The following EPB41L3 variants were observed in gnomAD, a reference collection of about 807,000 sequenced individuals.
EPB41L3 encodes band 4.1-like protein 3.
In EPB41L3, 57 loss-of-function variants were observed where a neutral mutation model predicts 127.1. The ratio of observed to expected loss-of-function variants is 0.45; its 90% confidence interval spans 0.36 to 0.56. The LOEUF (loss-of-function observed/expected upper bound fraction) is 0.56. Ranked by LOEUF, EPB41L3 falls within the 20% of genes least tolerant of loss-of-function variation. The pLI is 0.00. For missense variants in EPB41L3, 1,273 were observed against 1,372.2 expected (o/e 0.93, Z 1.14); for synonymous variants, 572 against 549.5 (o/e 1.04, Z -0.57).
chr18:5,462,638 G>A (rs771185059), intron 3 of EPB41L3, among the ~76,000 whole-genome samples: 5 of 152,134 alleles, frequency 3.3e-5, no homozygotes, highest in Non-Finnish European at 7.4e-5. Context: ...GAACCCGAGG[G>A]TGGGGGATTT....
intron 14 of EPB41L3, among the ~76,000 whole-genome samples, chr18:5,409,942 A>G (rs1439067834): frequency 6.6e-6 from 1 of 152,116 alleles, no homozygotes; most frequent in Non-Finnish European, 1.5e-5. Flanking sequence ...AAAAGGAGAA[A>G]TAACAGTATA....
rs763721094 is a variant in EPB41L3 at position 5,396,118 on chromosome 18, A to T, written c.2973+83T>A. ...ATCCTCTAAGTCTCATGAATTAAAT[A>T]TCGTGCAGTTCTATGTAAACACACT... On this transcript the variant is annotated intron_variant, in intron 19 of 22. Coordinates refer to ENST00000341928, the MANE Select transcript of EPB41L3 (RefSeq NM_012307.5). 9 of 1,516,032 alleles carry T rather than the reference A, an allele frequency of 5.9e-6. No individual in the cohort carries two copies. In the Admixed American group the frequency reaches 1.4e-4, roughly 23 times the overall value. 93.9% of individuals were successfully genotyped at this position (1,516,032 alleles called of 1,614,324 possible). A position where few individuals can be genotyped will look rare whatever the true frequency, so the allele number is the denominator to read the frequency against.
chr18:5,614,752 C>T (rs573402404), intron 1 of EPB41L3, among the ~76,000 whole-genome samples: 20 of 152,010 alleles, frequency 1.3e-4, no homozygotes, highest in East Asian at 7.7e-4. Context: ...GCTATGATTA[C>T]GAAATGTGTG....
intron 1 of EPB41L3, among the ~76,000 whole-genome samples, chr18:5,506,172 C>T (rs749880917): frequency 1.3e-5 from 2 of 152,078 alleles, no homozygotes. Flanking sequence ...GTCTCCCTAC[C>T]TCTGCACTCT....
intron 3 of EPB41L3, among the ~76,000 whole-genome samples, chr18:5,450,083 TG>T (rs926594245): frequency 6.6e-5 from 10 of 151,500 alleles, no homozygotes; most frequent in Non-Finnish European, 1.2e-4. Context: ...CTGCAGATAA[TG>T]GGGGGGACTA....
At chr18:5,444,282 A>C (rs1326420222) in intron 4 of EPB41L3, among the ~76,000 whole-genome samples, 1 of 152,200 alleles carries the variant, frequency 6.6e-6, no homozygotes, top group African/African-American at 2.4e-5. Context: ...TCTGCAATAA[A>C]AGATCCTTAG....
chr18:5,504,655 T>C (rs1331417540), intron 1 of EPB41L3, among the ~76,000 whole-genome samples: 1 of 152,190 alleles, frequency 6.6e-6, no homozygotes, highest in Non-Finnish European at 1.5e-5. Context: ...TGTTTTCTAC[T>C]GGCATTCCTC....
intron 1 of EPB41L3, among the ~76,000 whole-genome samples, chr18:5,502,670 A>T (rs906235385): frequency 1.3e-5 from 2 of 152,176 alleles, no homozygotes; most frequent in African/African-American, 4.8e-5. Context: ...CGAAACAGAG[A>T]CTGGGAAGAG....
At chr18:5,508,248 A>T (rs184955370) in intron 1 of EPB41L3, 1 of 152,328 alleles carries the variant, frequency 6.6e-6, no homozygotes, top group African/African-American at 2.4e-5. Context: ...ATAACAAAAA[A>T]TCTTCTTTAC....
chr18:5,629,706 A>C (rs976994546), upstream of EPB41L3, among the ~76,000 whole-genome samples: 1 of 152,032 alleles, frequency 6.6e-6, no homozygotes, highest in African/African-American at 2.4e-5. Flanking sequence ...CGGAGGGAGC[A>C]CTAGAGAGAG....
At chr18:5,573,990 A>C (rs1328912932) in intron 3 of EPB41L3, among the ~76,000 whole-genome samples, 1 of 150,692 alleles carries the variant, frequency 6.6e-6, no homozygotes, top group Non-Finnish European at 1.5e-5. Context: ...GGCTCACTGC[A>C]ACCTCCACCT....
intron 3 of EPB41L3, among the ~76,000 whole-genome samples, chr18:5,560,951 ATTTATTTATTTAT>A (rs2094117930): frequency 3.6e-5 from 1 of 27,540 alleles, no homozygotes; most frequent in African/African-American, 8.5e-5. Flanking sequence ...TTATTTATTT[ATTTATTTATTTAT>A]TTATTTATTT....
intron 3 of EPB41L3, among the ~76,000 whole-genome samples, chr18:5,589,845 A>AC (rs1290610274): frequency 1.4e-4 from 21 of 152,240 alleles, no homozygotes; most frequent in Non-Finnish European, 2.9e-5. Context: ...AGCTGGTGGC[A>AC]CAGTGATCTA....
intron 1 of EPB41L3, among the ~76,000 whole-genome samples, chr18:5,494,200 C>T (rs1179814751): frequency 6.6e-6 from 1 of 152,122 alleles, no homozygotes; most frequent in African/African-American, 2.4e-5. Flanking sequence ...CCCCTGCCTG[C>T]TGCCAACCCC....
In EPB41L3 at chr18:5,397,385, T is replaced by C; in HGVS notation, c.2514A>G (p.Glu838=). 1 of 1,613,752 alleles carries C rather than the reference T, an allele frequency of 6.2e-7. No homozygotes were observed. Among genetic ancestry groups the C allele is most frequent in the Non-Finnish European group, 8.5e-7 (1 of 1,179,928 alleles). ...TAAGCGGCAGGTGGTGCACGGTGGG[T>C]TCCGTCTCTATTCCACTGGACTCCG... is the stretch of plus-strand genomic sequence containing the variant. The part of the protein sequence containing the change: ...TKTESSGIET[E]PTVHHLPLST... Residue 838 remains glutamate (E), a synonymous_variant, in exon 18 of 23, where the codon GAA becomes GAG. Transcript: ENST00000341928. The surrounding 1 kb of genome is among the most constrained non-coding windows in gnomAD (Gnocchi z 4.1).
chr18:5,621,213 A>G (rs957274373), intron 1 of EPB41L3, among the ~76,000 whole-genome samples: 1 of 152,158 alleles, frequency 6.6e-6, no homozygotes, highest in Non-Finnish European at 1.5e-5. Flanking sequence ...AATCGGAGCA[A>G]GTAAAAATTG....
intron 1 of EPB41L3, among the ~76,000 whole-genome samples, chr18:5,497,212 C>T (rs1261883281): frequency 6.6e-6 from 1 of 152,062 alleles, no homozygotes; most frequent in East Asian, 1.9e-4. Context: ...GGGTCAGATC[C>T]CATGGGTTTG....
At chr18:5,608,344 A>C (rs1018339475) in intron 3 of EPB41L3, among the ~76,000 whole-genome samples, 1 of 152,190 alleles carries the variant, frequency 6.6e-6, no homozygotes, top group African/African-American at 2.4e-5. Flanking sequence ...CAACGTATAC[A>C]TGCAAAAAAA....
Position 5,419,841 on chromosome 18 carries a change from ATG to A in EPB41L3, c.1374_1375del (p.Ile459LeufsTer16). ...AGTGGTGATCAAGTTGGTCTGAGAG[ATG>A]CCTTTTGTTGTGGCGTACTGGCCAG... is the stretch of plus-strand genomic sequence containing the variant. On this transcript the variant is annotated frameshift_variant, in exon 12 of 23. Coordinates refer to ENST00000341928, the MANE Select transcript of EPB41L3 (RefSeq NM_012307.5). LOFTEE classifies it high-confidence loss of function. 6.2e-7 allele frequency: 1 copy of A among 1,614,164 alleles called. No homozygotes were observed. Among genetic ancestry groups the A allele is most frequent in the Non-Finnish European group, 8.5e-7 (1 of 1,180,038 alleles).
Sources: gnomAD v4.1 joint callset for allele counts (sites outside exome capture counted in the v4.1 genomes callset) on GRCh38, gnomAD v4.1.1 for gene constraint, Gnocchi (gnomAD v3.1) non-coding constraint, MANE v1.5 for transcripts, NCBI Gene and HGNC (gene_info 2026-07-23, HGNC 2026-07-21) for gene names.